The following CTNNA2 variants were observed in gnomAD, a reference collection of about 807,000 sequenced individuals.
CTNNA2 encodes the protein catenin alpha-2.
Under a neutral mutation model 101.0 loss-of-function variants are expected in CTNNA2, and 42 were observed. The ratio of observed to expected loss-of-function variants is 0.42; its 90% CI spans 0.32 to 0.54. The LOEUF (loss-of-function observed/expected upper bound fraction) is 0.54, where lower values mean the gene tolerates loss of function less well. CTNNA2 is among the 20% of genes least tolerant of loss of function. CTNNA2 has a pLI of 0.14. For missense variants in CTNNA2, 871 were observed against 1,223.1 expected, an observed-to-expected ratio of 0.71 and a Z score of 4.29; for synonymous variants, 450 against 456.4, an observed-to-expected ratio of 0.99 and a Z score of 0.18.
chr2:79,400,544 C>T (rs149567326), intron 4 of CTNNA2, among the ~76,000 whole-genome samples: 17 of 151,616 alleles, frequency 1.1e-4, no homozygotes, highest in Middle Eastern at 6.8e-3. Flanking sequence ...TGCGAACTGT[C>T]GAAAAGAAAA....
At chr2:80,432,298 G>T (rs183986407) in intron 9 of CTNNA2, among the ~76,000 whole-genome samples, 17 of 152,244 alleles carry the variant, frequency 1.1e-4, no homozygotes, top group Non-Finnish European at 2.1e-4. Context: ...CTAAAGAACA[G>T]ATTTTTTTAA....
intron 15 of CTNNA2, among the ~76,000 whole-genome samples, chr2:80,592,502 G>A (rs1696599031): frequency 1.3e-5 from 2 of 152,128 alleles, no homozygotes; most frequent in African/African-American, 4.8e-5. Flanking sequence ...ATTCCAAAAA[G>A]TACCTGGAAT....
At chr2:79,710,353 A>T (rs1229495795) in intron 2 of CTNNA2, among the ~76,000 whole-genome samples, 1 of 152,200 alleles carries the variant, frequency 6.6e-6, no homozygotes, top group Non-Finnish European at 1.5e-5. Context: ...TATTTCTAAT[A>T]TGCTTACACT....
chr2:79,903,184 T>A (rs13024343), intron 6 of CTNNA2, among the ~76,000 whole-genome samples: 7,979 of 152,272 alleles, frequency 0.052, 274 homozygotes, highest in African/African-American at 0.08. Flanking sequence ...TCCTTCTCCC[T>A]CATTGTCATA....
chr2:80,062,941 G>A (rs1024763166), intron 7 of CTNNA2, among the ~76,000 whole-genome samples: 8 of 152,052 alleles, frequency 5.3e-5, no homozygotes, highest in African/African-American at 1.2e-4. Context: ...TCCTGACCTC[G>A]TGATCCACCT....
rs114032488 is a variant in CTNNA2, at chr2:80,541,993, G to A, written c.1291-2989G>A. On this transcript the variant is annotated intron_variant, in intron 9 of 18. Transcript: ENST00000402739. ...GCTTCAACAATTATAAACTAATGGC[G>A]AATCTTGTTTTTTCTACATTTCTAC... is the stretch of plus-strand genomic sequence containing the variant. Among the ~76,000 whole-genome samples, 1,429 of 150,796 alleles carry A rather than the reference G, an allele frequency of 9.5e-3. 35 individuals carry two copies. Among genetic ancestry groups the A allele is most frequent in the African/African-American group, 0.032 (1,309 of 40,874 alleles).
chr2:80,400,734 T>C (rs1419281659), intron 8 of CTNNA2, among the ~76,000 whole-genome samples: 1 of 152,182 alleles, frequency 6.6e-6, no homozygotes, highest in East Asian at 1.9e-4. Flanking sequence ...TTCAATCCAA[T>C]TGATACCACC....
chr2:80,596,383 C>T (rs1301535624), intron 15 of CTNNA2, among the ~76,000 whole-genome samples: 1 of 135,922 alleles, frequency 7.4e-6, no homozygotes, highest in Admixed American at 8.2e-5. Context: ...GATCTCGGCT[C>T]ACTGCAAGCT....
At chr2:79,776,059 A>G (rs778599355) in intron 3 of CTNNA2, among the ~76,000 whole-genome samples, 7 of 152,174 alleles carry the variant, frequency 4.6e-5, no homozygotes, top group Non-Finnish European at 1.0e-4. Context: ...TGAGCTGCAG[A>G]CTTGGAAATT....
chr2:80,344,319 C>T (rs1402408834), intron 7 of CTNNA2, among the ~76,000 whole-genome samples: 1 of 152,036 alleles, frequency 6.6e-6, no homozygotes, highest in African/African-American at 2.4e-5. Flanking sequence ...AGATGCACAC[C>T]CACACCCTTA....
In CTNNA2 at chr2:80,455,128, G is replaced by A. The variant is rs149643426; in HGVS notation, c.1290+35527G>A. ...TGACTGTCAGGGCTGGCAAACAAAT[G>A]GCAAATGGTTAGGTTGGGGTAATGA... is the stretch of plus-strand genomic sequence containing the variant. On this transcript the variant is annotated intron_variant, in intron 9 of 18. Coordinates refer to ENST00000402739, the MANE Select transcript of CTNNA2 (RefSeq NM_001282597.3). 3.8e-3 allele frequency among the ~76,000 whole-genome samples: 580 copies of A among 152,356 alleles called. 2 individuals are homozygous for A. Among genetic ancestry groups the A allele is most frequent in the Middle Eastern group, 6.8e-3 (2 of 294 alleles).
In CTNNA2 at chr2:79,236,279, A is replaced by G. The variant is rs34408224; in HGVS notation, c.-406+38203A>G. Reference sequence around the variant, plus strand: ...TCCTGTGTACCTAAGGACTACAGGCATGTGCCACCATGTTTGACTATTCTT... The same window carrying G: ...TCCTGTGTACCTAAGGACTACAGGCGTGTGCCACCATGTTTGACTATTCTT... On this transcript the variant is annotated intron_variant, in intron 2 of 21. Transcript: ENST00000466387. 6.6e-3 allele frequency among the ~76,000 whole-genome samples: 1,002 copies of G among 152,296 alleles called. 5 individuals carry two copies. Among genetic ancestry groups the G allele is most frequent in the Non-Finnish European group, 0.011 (756 of 68,012 alleles).
intron 1 of CTNNA2, among the ~76,000 whole-genome samples, chr2:79,597,337 T>C (rs1009310750): frequency 6.6e-6 from 1 of 151,866 alleles, no homozygotes; most frequent in African/African-American, 2.4e-5. Flanking sequence ...CCGGGCGTGG[T>C]GGCGGGCGCC....
In CTNNA2 at chr2:79,858,111, G is replaced by A. The variant is rs760574291; in HGVS notation, c.397G>A (p.Ala133Thr). Residue 133 changes from alanine (A) to threonine (T), a missense_variant, in exon 4 of 19, where the codon GCG (alanine) becomes ACG (threonine). Ala to Thr is a moderately conservative substitution (Grantham distance 58). Transcript: ENST00000402739. Reference protein sequence around the residue: ...MVRAARALLSAVTRLLILADM... With the variant: ...MVRAARALLSTVTRLLILADM... The stretch of plus-strand genomic sequence containing the variant: ...ACGGGCGGCAAGGGCTTTGCTCTCC[G>A]CGGTGACACGCTTACTCATCCTGGC... The A allele has an allele frequency of 1.9e-5, 31 of 1,613,966 alleles. No individual in the cohort carries two copies. In the East Asian group the frequency reaches 3.8e-4, roughly 20 times the overall value.
At chr2:80,056,634 T>C (rs1330440725) in intron 7 of CTNNA2, among the ~76,000 whole-genome samples, 1 of 152,246 alleles carries the variant, frequency 6.6e-6, no homozygotes, top group Non-Finnish European at 1.5e-5. Context: ...TTTCATTTCA[T>C]TCTTTATTCC....
intron 7 of CTNNA2, among the ~76,000 whole-genome samples, chr2:80,032,113 T>C (rs1173798744): frequency 1.3e-5 from 2 of 152,160 alleles, no homozygotes; most frequent in African/African-American, 2.4e-5. Flanking sequence ...TTCATAAGAA[T>C]GTATAAGGAG....
chr2:79,337,842 G>C (rs1056252513), intron 3 of CTNNA2, among the ~76,000 whole-genome samples: 1 of 152,104 alleles, frequency 6.6e-6, no homozygotes, highest in Non-Finnish European at 1.5e-5. Context: ...TACAAGCTGT[G>C]ATAAGTGCTA....
intron 9 of CTNNA2, among the ~76,000 whole-genome samples, chr2:80,443,681 C>T (rs1375018634): frequency 6.6e-6 from 1 of 152,178 alleles, no homozygotes; most frequent in African/African-American, 2.4e-5. Flanking sequence ...TCCTATACCT[C>T]TCATCAATTT....
intron 2 of CTNNA2, among the ~76,000 whole-genome samples, chr2:79,203,182 C>T (rs1047895103): frequency 6.6e-6 from 1 of 152,154 alleles, no homozygotes; most frequent in Admixed American, 6.5e-5. Flanking sequence ...ATGTTTTCTC[C>T]TCTTTGAAAG....
Sources: allele counts gnomAD v4.1 joint callset (sites outside exome capture counted in the v4.1 genomes callset), GRCh38; gene constraint gnomAD v4.1.1; transcripts MANE v1.5; gene names NCBI Gene and HGNC (gene_info 2026-07-23, HGNC 2026-07-21).